Variants in ZNF365 observed in about 807,000 individuals in gnomAD.
ZNF365 encodes the protein zinc finger protein 365.
In ZNF365, 22 loss-of-function variants were observed where a neutral mutation model predicts 35.0. The observed-to-expected ratio is 0.63, with a 90% CI of 0.45 to 0.90. The LOEUF (loss-of-function observed/expected upper bound fraction) is 0.90, where lower values mean the gene tolerates loss of function less well. Ranked by LOEUF, ZNF365 falls within the 40% of genes least tolerant of loss-of-function variation. The probability of loss-of-function intolerance (pLI) is 0.00; values close to 1 mark genes in which losing one functional copy is unlikely to be tolerated. For synonymous variants in ZNF365, 188 were observed against 196.2 expected, an observed-to-expected ratio of 0.96 and a Z score of 0.35; for missense variants, 448 against 500.3, an observed-to-expected ratio of 0.90 and a Z score of 1.00.
intron 2 of ZNF365, among the ~76,000 whole-genome samples, chr10:62,385,344 C>T (rs1478301828): frequency 6.6e-6 from 1 of 152,012 alleles, no homozygotes; most frequent in Non-Finnish European, 1.5e-5. Flanking sequence ...CATAACATTC[C>T]AGGAGCGTAT....
intron 2 of ZNF365, among the ~76,000 whole-genome samples, chr10:62,379,469 G>A (rs762567989): frequency 3.7e-4 from 55 of 149,248 alleles, no homozygotes; most frequent in Admixed American, 4.0e-4. Context: ...TTTTTTAAAC[G>A]TTCATTTGGG....
chr10:62,470,018 A>G (rs1040785229), intron 4 of ZNF365, among the ~76,000 whole-genome samples: 2 of 152,236 alleles, frequency 1.3e-5, no homozygotes, highest in African/African-American at 4.8e-5. Flanking sequence ...AACTATTGCT[A>G]TTATTAATAT....
intron 3 of ZNF365, among the ~76,000 whole-genome samples, chr10:62,432,275 GAGAGC>G (rs546836206): frequency 6.6e-6 from 1 of 152,124 alleles, no homozygotes; most frequent in Non-Finnish European, 1.5e-5. Flanking sequence ...CAGTTTTTAG[GAGAGC>G]AGTTTCTTGT....
intron 3 of ZNF365, among the ~76,000 whole-genome samples, chr10:62,394,362 C>T (rs552198665): frequency 2.6e-5 from 4 of 152,172 alleles, no homozygotes; most frequent in Non-Finnish European, 5.9e-5. Context: ...GTGTCCCCCT[C>T]CTCACTGAGA....
intron 3 of ZNF365, among the ~76,000 whole-genome samples, chr10:62,438,271 C>A (rs1012751779): frequency 7.9e-5 from 12 of 151,804 alleles, no homozygotes; most frequent in Admixed American, 6.6e-4. Context: ...TCACTGCAAC[C>A]TCCGCCTCCC....
intron 1 of ZNF365, 26 bp from the exon 2 acceptor site, chr10:62,376,155 T>C (rs1270459701): frequency 6.2e-7 from 1 of 1,606,472 alleles, no homozygotes; most frequent in African/African-American, 1.3e-5. Flanking sequence ...AGCCGACTTG[T>C]AAACTACCTA....
chr10:62,447,629 G>A (rs1564593421), intron 3 of ZNF365, among the ~76,000 whole-genome samples: 2 of 152,338 alleles, frequency 1.3e-5, no homozygotes, highest in African/African-American at 4.8e-5. Context: ...TTGTTCTGAA[G>A]ACGGTCAAAG....
chr10:62,475,071 C>A (rs1342295246), intron 4 of ZNF365, among the ~76,000 whole-genome samples: 1 of 152,204 alleles, frequency 6.6e-6, no homozygotes, highest in Non-Finnish European at 1.5e-5. Context: ...GCTGTCTTGT[C>A]CCTTATGAAA....
intron 3 of ZNF365, among the ~76,000 whole-genome samples, chr10:62,418,998 C>T (rs1253486072): frequency 1.4e-5 from 2 of 147,968 alleles, no homozygotes; most frequent in Non-Finnish European, 1.5e-5. Flanking sequence ...ATATTATACA[C>T]GTCTGAAGAA....
chr10:62,447,704 T>C (rs1358536509), intron 3 of ZNF365, among the ~76,000 whole-genome samples: 1 of 152,212 alleles, frequency 6.6e-6, no homozygotes, highest in South Asian at 2.1e-4. Flanking sequence ...GCTTTACCCC[T>C]TTCTTTGCGG....
intron 3 of ZNF365, among the ~76,000 whole-genome samples, chr10:62,458,288 C>T (rs1013931409): frequency 5.9e-5 from 9 of 152,220 alleles, no homozygotes; most frequent in Non-Finnish European, 1.2e-4. Context: ...TTTCTCTGCT[C>T]TGTTTCATCT....
chr10:62,431,485 A>G (rs374105726), intron 3 of ZNF365, among the ~76,000 whole-genome samples: 1 of 31,900 alleles, frequency 3.1e-5, no homozygotes, highest in Non-Finnish European at 1.2e-4. Flanking sequence ...AACATAGTCT[A>G]TGCTGTTAAT....
At chr10:62,409,439 C>T (rs1839953469) in intron 3 of ZNF365, among the ~76,000 whole-genome samples, 1 of 152,162 alleles carries the variant, frequency 6.6e-6, no homozygotes, top group Non-Finnish European at 1.5e-5. Flanking sequence ...GAATCCGTCT[C>T]TGTTGCCTGC....
chr10:62,387,240 GGA>G (rs1160710814), intron 2 of ZNF365, among the ~76,000 whole-genome samples: 1 of 152,106 alleles, frequency 6.6e-6, no homozygotes, highest in Non-Finnish European at 1.5e-5. Flanking sequence ...AAAGAGGGTT[GGA>G]GAGAGGGGAA....
chr10:62,458,820 T>A (rs985402995), intron 3 of ZNF365, among the ~76,000 whole-genome samples: 1 of 152,192 alleles, frequency 6.6e-6, no homozygotes, highest in East Asian at 1.9e-4. Flanking sequence ...AGAAAAGATA[T>A]GTTGATTCTA....
rs76245951 is a variant in ZNF365 at position 62,409,435 on chromosome 10, G to A, written c.924+20859G>A. 3.2e-3 allele frequency among the ~76,000 whole-genome samples: 488 copies of A among 152,154 alleles called. 3 individuals are homozygous for A. The highest frequency in any genetic ancestry group is 0.011 in the African/African-American group (466 of 41,478). On this transcript the variant is annotated intron_variant, in intron 3 of 4. Transcript: ENST00000395255. ...CTTTTCTAACGAATCGCTAGAATCC[G>A]TCTCTGTTGCCTGCAACTAAGAACC...
At chr10:62,386,183 C>T (rs1010828209) in intron 2 of ZNF365, among the ~76,000 whole-genome samples, 2 of 152,184 alleles carry the variant, frequency 1.3e-5, no homozygotes, top group African/African-American at 4.8e-5. Context: ...CACTCGTTTG[C>T]TGCTAGTTAA....
At chr10:62,396,639 ATAGTCAC>A (rs1839732578) in intron 3 of ZNF365, among the ~76,000 whole-genome samples, 1 of 152,192 alleles carries the variant, frequency 6.6e-6, no homozygotes, top group South Asian at 2.1e-4. Flanking sequence ...AGTGACATTC[ATAGTCAC>A]TAAGGTTGGA....
chr10:62,433,748 T>TA (rs554859414), intron 3 of ZNF365, among the ~76,000 whole-genome samples: 367 of 152,162 alleles, frequency 2.4e-3, no homozygotes, highest in Non-Finnish European at 3.3e-3. Context: ...TGATTGGAGT[T>TA]AAAAAAAATG....
Sources: gnomAD v4.1 joint callset for allele counts (sites outside exome capture counted in the v4.1 genomes callset) on GRCh38, gnomAD v4.1.1 for gene constraint, MANE v1.5 for transcripts, NCBI Gene and HGNC (gene_info 2026-07-23, HGNC 2026-07-21) for gene names.